VKORC1L1: variants seen among roughly 807,000 people sequenced by gnomAD.
VKORC1L1 encodes the protein vitamin K epoxide reductase complex subunit 1-like protein 1.
Under a neutral mutation model 18.9 loss-of-function variants are expected in VKORC1L1, and 2 were observed. The observed-to-expected ratio is 0.11, with a 90% CI of 0.04 to 0.33. The LOEUF (loss-of-function observed/expected upper bound fraction) is 0.33. Ranked by LOEUF, VKORC1L1 falls within the 10% of genes least tolerant of loss-of-function variation. The probability of loss-of-function intolerance (pLI) is 1.00; values close to 1 mark genes in which losing one functional copy is unlikely to be tolerated. For missense variants in VKORC1L1, 123 were observed against 224.1 expected (o/e 0.55, Z 2.88); for synonymous variants, 96 against 100.0 (o/e 0.96, Z 0.24).
intron 1 of VKORC1L1, among the ~76,000 whole-genome samples, chr7:65,901,293 T>C (rs184986372): frequency 6.6e-6 from 1 of 152,186 alleles, no homozygotes; most frequent in East Asian, 1.9e-4. Flanking sequence ...GCCCAGGAGA[T>C]TGAAGCTGCA....
rs532919314 is a variant in VKORC1L1, at chr7:65,878,301, G to C, written c.194+4736G>C. On this transcript the variant is annotated intron_variant, in intron 1 of 2. Transcript: ENST00000360768. ...TGTCTACTAAAAATACAAAAAATTAGCCGGGCATGGTGGTGGGCACCTGTA... is the reference window on the plus strand; with the variant it reads ...TGTCTACTAAAAATACAAAAAATTACCCGGGCATGGTGGTGGGCACCTGTA... Among the ~76,000 whole-genome samples the C allele has an allele frequency of 4.6e-5, 7 of 152,142 alleles. No homozygotes were observed. In the South Asian group the frequency reaches 1.5e-3, roughly 32 times the overall value.
chr7:65,887,650 G>A (rs1789038049), intron 1 of VKORC1L1, among the ~76,000 whole-genome samples: 1 of 152,150 alleles, frequency 6.6e-6, no homozygotes, highest in Admixed American at 6.5e-5. Context: ...GTACATAGGT[G>A]TTGCCCAAAT....
intron 1 of VKORC1L1, among the ~76,000 whole-genome samples, chr7:65,908,259 G>T (rs1277749238): frequency 6.6e-6 from 1 of 152,024 alleles, no homozygotes; most frequent in Admixed American, 6.6e-5. Context: ...ACTAAAAATA[G>T]AAAAATTAGC....
Position 65,954,196 on chromosome 7 carries a change from A to G in VKORC1L1, c.427A>G (p.Ile143Val), listed in dbSNP as rs1031054307. ...FVLKEFCIIC[I>V]VTYVLNFLLL... ...GCTGAAGGAGTTCTGCATCATCTGC[A>G]TCGTCACGTACGTGCTGAACTTCCT... is the stretch of plus-strand genomic sequence containing the variant. The change falls in exon 3 of 3, where the codon ATC (isoleucine) becomes GTC (valine). Residue 143 changes from isoleucine to valine, a missense_variant. By Grantham distance (29) the Ile-to-Val change is conservative. Around this residue, in one of 4 missense-constraint regions of VKORC1L1, gnomAD observed 41 missense variants for 61.6 expected, o/e 0.67. Transcript: ENST00000360768. 2 of 1,614,114 alleles carry G rather than the reference A, an allele frequency of 1.2e-6. No homozygotes were observed. The highest frequency in any genetic ancestry group is 1.3e-5 in the African/African-American group (1 of 75,014).
At chr7:65,949,460 CAA>C (rs1415624934) in intron 2 of VKORC1L1, among the ~76,000 whole-genome samples, 2 of 151,650 alleles carry the variant, frequency 1.3e-5, no homozygotes, top group Admixed American at 1.3e-4. Flanking sequence ...GCCTGGGCAA[CAA>C]GAGCGAAACT....
At chr7:65,941,324 C>T (rs1049204271) in intron 1 of VKORC1L1, among the ~76,000 whole-genome samples, 1 of 152,002 alleles carries the variant, frequency 6.6e-6, no homozygotes, top group Non-Finnish European at 1.5e-5. Context: ...TAATGTTGCC[C>T]AGGCTGATCT....
chr7:65,885,049 C>A (rs551015679), intron 1 of VKORC1L1, among the ~76,000 whole-genome samples: 1 of 152,252 alleles, frequency 6.6e-6, no homozygotes, highest in East Asian at 1.9e-4. Context: ...TTCAGACAGG[C>A]ATTTCCCATT....
chr7:65,872,985 GCCCATCCCCAC>G (rs1458345529), upstream of VKORC1L1, among the ~76,000 whole-genome samples: 35 of 46,774 alleles, frequency 7.5e-4, no homozygotes, highest in African/African-American at 4.6e-3. Flanking sequence ...CCCCTGCCCC[GCCCATCCCCAC>G]CCCTGCCCCA....
intron 1 of VKORC1L1, among the ~76,000 whole-genome samples, chr7:65,880,505 G>A (rs1479008390): frequency 2.6e-5 from 4 of 152,076 alleles, no homozygotes; most frequent in Non-Finnish European, 5.9e-5. Flanking sequence ...CTGGGCACAT[G>A]GAGGGAGGGG....
upstream of VKORC1L1, among the ~76,000 whole-genome samples, chr7:65,868,701 T>C (rs1788690856): frequency 6.6e-6 from 1 of 152,216 alleles, no homozygotes; most frequent in Non-Finnish European, 1.5e-5. Flanking sequence ...GCCATTCTCC[T>C]CAGTGAAATA....
intron 2 of VKORC1L1, among the ~76,000 whole-genome samples, chr7:65,949,429 A>C (rs986390547): frequency 6.6e-6 from 1 of 152,058 alleles, no homozygotes; most frequent in Non-Finnish European, 1.5e-5. Context: ...TAGTGAGCTG[A>C]GATCGCGCCA....
At chr7:65,903,222 A>G (rs1207061447) in intron 1 of VKORC1L1, among the ~76,000 whole-genome samples, 1 of 147,208 alleles carries the variant, frequency 6.8e-6, no homozygotes, top group East Asian at 2.0e-4. Context: ...GCTGGAGTGC[A>G]GTGGCATGAA....
At chr7:65,896,964 A>G (rs1455833471) in intron 1 of VKORC1L1, among the ~76,000 whole-genome samples, 13 of 152,190 alleles carry the variant, frequency 8.5e-5, no homozygotes, top group Admixed American at 7.9e-4. Flanking sequence ...GCACCATTGC[A>G]CTGCACTCCA....
At chr7:65,939,760 AC>A (rs886357861) in intron 1 of VKORC1L1, among the ~76,000 whole-genome samples, 9 of 152,206 alleles carry the variant, frequency 5.9e-5, no homozygotes, top group Non-Finnish European at 1.3e-4. Context: ...TGCGAACTCA[AC>A]CAGGCACAGT....
rs1190761034 is a variant in VKORC1L1, at chr7:65,895,526, C to T, written c.194+21961C>T. Among the ~76,000 whole-genome samples the T allele has an allele frequency of 7.8e-5, 10 of 127,562 alleles. No individual in the cohort carries two copies. The East Asian group carries it at 1.7e-3, about 21-fold the overall frequency. 83.7% of individuals were successfully genotyped at this position (127,562 alleles called of 152,430 possible). On this transcript the variant is annotated intron_variant, in intron 1 of 2. Coordinates refer to ENST00000360768, the MANE Select transcript of VKORC1L1 (RefSeq NM_173517.6). ...ATATATATATATATATACACACACA[C>T]ACACACACACACATATAATTTGTGA...
intron 1 of VKORC1L1, among the ~76,000 whole-genome samples, chr7:65,913,350 A>G (rs1468124140): frequency 2.6e-5 from 4 of 151,848 alleles, no homozygotes; most frequent in Non-Finnish European, 1.5e-5. Context: ...TGGGCCTGCT[A>G]TTCATTGTAC....
chr7:65,892,439 C>T (rs1302008540), intron 1 of VKORC1L1, among the ~76,000 whole-genome samples: 4 of 152,194 alleles, frequency 2.6e-5, no homozygotes. Context: ...TCACCATCAT[C>T]TCATCCATTT....
At chr7:65,941,255 G>A (rs1283866767) in intron 1 of VKORC1L1, among the ~76,000 whole-genome samples, 4 of 152,086 alleles carry the variant, frequency 2.6e-5, no homozygotes, top group African/African-American at 9.7e-5. Flanking sequence ...ACAGGCATGT[G>A]CCATCACGCC....
chr7:65,905,078 C>T (rs1281802057), intron 1 of VKORC1L1, among the ~76,000 whole-genome samples: 1 of 151,856 alleles, frequency 6.6e-6, no homozygotes, highest in Non-Finnish European at 1.5e-5. Context: ...CACACATATG[C>T]ATACAAATGC....
Sources: gnomAD v4.1 joint callset for allele counts (sites outside exome capture counted in the v4.1 genomes callset) on GRCh38, gnomAD v4.1.1 for gene constraint, gnomAD v4.1.1 regional missense constraint, MANE v1.5 for transcripts, NCBI Gene and HGNC (gene_info 2026-07-23, HGNC 2026-07-21) for gene names.